The following ALAD variants were observed in gnomAD, a reference collection of about 807,000 sequenced individuals.
The protein encoded by ALAD is aminolevulinate dehydratase, also known as delta-aminolevulinic acid dehydratase.
Under a neutral mutation model 44.4 loss-of-function variants are expected in ALAD, and 20 were observed. The observed-to-expected ratio is 0.45, with a 90% CI of 0.32 to 0.65. The LOEUF (loss-of-function observed/expected upper bound fraction) is 0.65, where lower values mean the gene tolerates loss of function less well. ALAD is among the 30% of genes least tolerant of loss of function. The pLI is 0.05. For synonymous variants in ALAD, 156 were observed against 167.9 expected (o/e 0.93, Z 0.55); for missense variants, 323 against 445.7 (o/e 0.72, Z 2.48).
intron 11 of ALAD, 44 bp downstream of exon 11, chr9:113,388,933 G>C: frequency 6.2e-7 from 1 of 1,613,548 alleles, no homozygotes; most frequent in Non-Finnish European, 8.5e-7. Context: ...GTGCTTATCA[G>C]TCCCTGTGGC....
rs942162529 is a variant in ALAD at position 113,387,520 on chromosome 9, A to G, written c.*780T>C. 3 of 152,196 alleles carry G rather than the reference A, an allele frequency of 2.0e-5. No homozygotes were observed. Among genetic ancestry groups the G allele is most frequent in the East Asian group, 3.9e-4 (2 of 5,190 alleles). 9.4% of individuals were successfully genotyped at this position (152,196 alleles called of 1,614,324 possible). On this transcript the variant is annotated 3_prime_UTR_variant, in exon 12 of 12. Transcript: ENST00000409155. Reference sequence around the variant, plus strand: ...TGTTTTCTTCTTAGCTGTCTCCCCAATTCTCTTTGTATAATTTCTATGAAG... The same window carrying G: ...TGTTTTCTTCTTAGCTGTCTCCCCAGTTCTCTTTGTATAATTTCTATGAAG...
chr9:113,390,037 CT>C (rs201277398), intron 7 of ALAD, among the ~76,000 whole-genome samples: 31 of 147,872 alleles, frequency 2.1e-4, no homozygotes, highest in African/African-American at 2.5e-4. Context: ...TTCTGTGATT[CT>C]TTTTTTTTTT....
intron 10 of ALAD, 136 bp from the exon 11 acceptor site, chr9:113,389,242 C>T (rs1020717761): frequency 7.0e-7 from 1 of 1,424,822 alleles, no homozygotes; most frequent in Non-Finnish European, 9.7e-7. Context: ...GCCTGGCCCA[C>T]TCTTGAACTG....
intron 2 of ALAD, chr9:113,393,039 C>T (rs529713316): frequency 3.5e-4 from 75 of 213,370 alleles, no homozygotes; most frequent in African/African-American, 1.7e-3. Flanking sequence ...AGGATGGTCT[C>T]GATCTCCTGA....
intron 1 of ALAD, among the ~76,000 whole-genome samples, chr9:113,397,620 C>CTTTTTTT (rs554533853): frequency 9.1e-4 from 99 of 108,770 alleles, no homozygotes; most frequent in South Asian, 2.0e-3. Flanking sequence ...TTTTCCTTTT[C>CTTTTTTT]TTTTTTTTTT....
chr9:113,394,766 T>C (rs935155111), intron 1 of ALAD, among the ~76,000 whole-genome samples: 5 of 152,148 alleles, frequency 3.3e-5, no homozygotes, highest in African/African-American at 4.8e-5. Context: ...AGAAAAGTAC[T>C]GTTGGCCGGG....
rs778684507 is a variant in ALAD at position 113,393,519 on chromosome 9, G to A, written c.41C>T (p.Pro14Leu). The A allele has an allele frequency of 1.9e-6, 3 of 1,614,022 alleles. No individual in the cohort carries two copies. The highest frequency in any genetic ancestry group is 1.1e-5 in the South Asian group (1 of 91,074). The change falls in exon 2 of 12, where the codon CCA becomes CTA. Residue 14 changes from proline to leucine, a missense_variant. Pro to Leu is a moderately conservative substitution (Grantham distance 98). Coordinates refer to ENST00000409155, the MANE Select transcript of ALAD (RefSeq NM_000031.6). ...GGCTGTCTGCCAGGCCCGAAGTAGT[G>A]GGTGGAAGTAGCCGCTGTGCAGAAC... Reference protein sequence around the residue: ...QSVLHSGYFHPLLRAWQTATT... With the variant: ...QSVLHSGYFHLLLRAWQTATT...
chr9:113,393,521 G>A lies in ALAD; in HGVS notation c.39C>T (p.His13=), dbSNP rs113814357. 3 of 1,614,030 alleles carry A rather than the reference G, an allele frequency of 1.9e-6. No homozygotes were observed. Among genetic ancestry groups the A allele is most frequent in the Non-Finnish European group, 1.7e-6 (2 of 1,180,044 alleles). ...CTGTCTGCCAGGCCCGAAGTAGTGG[G>A]TGGAAGTAGCCGCTGTGCAGAACGG... The part of the protein sequence containing the change: ...PQSVLHSGYF[H]PLLRAWQTAT... The change falls in exon 2 of 12, where the codon CAC becomes CAT. Residue 13 remains histidine (H), a synonymous_variant. Transcript: ENST00000409155.
intron 1 of ALAD, among the ~76,000 whole-genome samples, chr9:113,394,293 T>C (rs969151767): frequency 1.3e-4 from 19 of 150,446 alleles, no homozygotes; most frequent in Non-Finnish European, 1.9e-4. Context: ...ATCCCGGCAC[T>C]TTGGGAGGCT....
chr9:113,393,491 G>A lies in ALAD; in HGVS notation c.69C>T (p.Thr23=). ...TGAGGTTGGAGGCATTGAGGGTGGT[G>A]GTGGCTGTCTGCCAGGCCCGAAGTA... ...HPLLRAWQTA[T]TTLNASNLIY... is the part of the protein sequence containing the mutation. Residue 23 remains threonine (T), a synonymous_variant, in exon 2 of 12, where the codon ACC becomes ACT. Coordinates refer to ENST00000409155, the MANE Select transcript of ALAD (RefSeq NM_000031.6). 3 of 1,614,138 alleles carry A rather than the reference G, an allele frequency of 1.9e-6. No individual in the cohort carries two copies. Among genetic ancestry groups the A allele is most frequent in the Non-Finnish European group, 2.5e-6 (3 of 1,180,034 alleles).
At position 113,389,545 on chromosome 9, in the gene ALAD, G is replaced by A. The variant is rs8177809; in HGVS notation, c.715-21C>T. On this transcript the variant is annotated intron_variant, in intron 9 of 11. Transcript: ENST00000409155. ...CGGTCCTAAGGGATGAGGGTATAAT[G>A]TGGGTGGTGCCTAGGAGGGGGCTGA... The A allele has an allele frequency of 0.014, 23,217 of 1,614,144 alleles. 210 individuals carry two copies. The highest frequency in any genetic ancestry group is 0.017 in the Non-Finnish European group (19,819 of 1,180,024).
chr9:113,388,340 T>C lies in ALAD; in HGVS notation c.953A>G (p.Tyr318Cys). 1 of 1,614,108 alleles carries C rather than the reference T, an allele frequency of 6.2e-7. No homozygotes were observed. Residue 318 changes from tyrosine to cysteine, a missense_variant, in exon 12 of 12, where the codon TAC becomes TGC. Tyr to Cys is a radical substitution (Grantham distance 194). Transcript: ENST00000409155. Reference protein sequence around the residue: ...RRAGADIIITYYTPQLLQWLK... With the variant: ...RRAGADIIITCYTPQLLQWLK... ...CCACTGCAGCAGCTGCGGTGTGTAG[T>C]AGGTGATGATGATGTCAGCACCTGT...
intron 7 of ALAD, among the ~76,000 whole-genome samples, 174 bp from the exon 8 acceptor site, chr9:113,390,002 A>G (rs1418739827): frequency 2.0e-5 from 3 of 151,888 alleles, no homozygotes; most frequent in African/African-American, 7.3e-5. Flanking sequence ...TGGTTCCCCA[A>G]AGCCTCATCC....
rs770200791 is a variant in ALAD at position 113,393,606 on chromosome 9, G to A, written c.-47C>T. 1 of 1,505,688 alleles carries A rather than the reference G, an allele frequency of 6.6e-7. No homozygotes were observed. The highest frequency in any genetic ancestry group is 9.2e-7 in the Non-Finnish European group (1 of 1,083,492). 93.3% of individuals were successfully genotyped at this position (1,505,688 alleles called of 1,614,324 possible). On this transcript the variant is annotated 5_prime_UTR_variant, in exon 2 of 12. Coordinates refer to ENST00000409155, the MANE Select transcript of ALAD (RefSeq NM_000031.6). ...GGGCATCAGTTGGTTGGAACCGAGGGCTCCTGGGGCATTGGCTGCAGGCTC... is the reference window on the plus strand; with the variant it reads ...GGGCATCAGTTGGTTGGAACCGAGGACTCCTGGGGCATTGGCTGCAGGCTC...
chr9:113,391,983 A>G, intron 3 of ALAD, 136 bp downstream of exon 3: 2 of 925,420 alleles, frequency 2.2e-6, no homozygotes, highest in South Asian at 2.9e-5. Context: ...GCCCCGGGGA[A>G]ACCCTTTCCT....
chr9:113,392,061 C>T (rs910957823), intron 3 of ALAD, 58 bp downstream of exon 3: 42 of 1,484,844 alleles, frequency 2.8e-5, no homozygotes, highest in Non-Finnish European at 3.4e-5. Flanking sequence ...CCCAGCACTT[C>T]CACCTGTGGA....
In ALAD at chr9:113,390,429, C is replaced by A; in HGVS notation, c.546G>T (p.Leu182=). The part of the protein sequence containing the change: ...DGRVEAIKEA[L]MAHGLGNRVS... ...CCCTGTTGCCAAGTCCATGTGCCAT[C>A]AGGGCCTCTTTGATGGCTTCCACGC... Residue 182 remains leucine (L), a synonymous_variant, in exon 7 of 12, where the codon CTG becomes CTT. Transcript: ENST00000409155. 6.2e-7 allele frequency: 1 copy of A among 1,614,128 alleles called. No homozygotes were observed.
chr9:113,399,923 C>A (rs530783822), intron 1 of ALAD, among the ~76,000 whole-genome samples: 2 of 152,272 alleles, frequency 1.3e-5, no homozygotes, highest in East Asian at 3.9e-4. Context: ...AGCTGTCATG[C>A]AGTTCTGAAA....
Position 113,387,041 on chromosome 9 carries a change from T to G in ALAD, c.*1259A>C, listed in dbSNP as rs1336298484. 6.6e-6 allele frequency: 1 copy of G among 152,268 alleles called. No homozygotes were observed. Among genetic ancestry groups the G allele is most frequent in the Non-Finnish European group, 1.5e-5 (1 of 68,068 alleles). The allele number at this position is 152,268 out of a possible 1,614,324, so 9.4% of individuals were successfully genotyped here. A position where few individuals can be genotyped will look rare whatever the true frequency, so the allele number is the denominator to read the frequency against. On this transcript the variant is annotated 3_prime_UTR_variant, in exon 12 of 12. Transcript: ENST00000409155. ...TTGCCGCAGAGCTGTTAAAATACTT[T>G]TACAAACTACAAATTTGATTGAGTC...
Sources: gnomAD v4.1 joint callset for allele counts (sites outside exome capture counted in the v4.1 genomes callset) on GRCh38, gnomAD v4.1.1 for gene constraint, MANE v1.5 for transcripts, NCBI Gene and HGNC (gene_info 2026-07-23, HGNC 2026-07-21) for gene names.